Variants in WWTR1 observed in about 807,000 individuals in gnomAD.
WWTR1 encodes the protein WW domain-containing transcription regulator protein 1.
Under a neutral mutation model 40.1 loss-of-function variants are expected in WWTR1, and 13 were observed. The ratio of observed to expected loss-of-function variants is 0.32; its 90% confidence interval spans 0.21 to 0.52. The LOEUF is 0.52. Ranked by LOEUF, WWTR1 falls within the 20% of genes least tolerant of loss-of-function variation. The pLI is 0.97. For synonymous variants in WWTR1, 230 were observed against 210.1 expected, an observed-to-expected ratio of 1.09 and a Z score of -0.82; for missense variants, 436 against 523.1, an observed-to-expected ratio of 0.83 and a Z score of 1.63.
In WWTR1 at chr3:149,520,828, C is replaced by T; in HGVS notation, c.1180G>A (p.Glu394Lys). The change falls in exon 7 of 7, where the codon GAG becomes AAG. Residue 394 changes from glutamate (E) to lysine (K), a missense_variant. Physicochemically the swap from Glu to Lys is moderately conservative, Grantham distance 56. Transcript: ENST00000360632. ...NDVESALNKSEPFLTWL is the reference protein window; with the variant it reads ...NDVESALNKSKPFLTWL ...GATTACAGCCAGGTTAGAAAGGGCT[C>T]ACTTTTGTTCAGAGCAGACTCTACA... 6.2e-7 allele frequency: 1 copy of T among 1,601,630 alleles called. No homozygotes were observed. The highest frequency in any genetic ancestry group is 1.1e-5 in the South Asian group (1 of 88,536).
chr3:149,621,658 T>C (rs1252640194), intron 2 of WWTR1, among the ~76,000 whole-genome samples: 2 of 152,204 alleles, frequency 1.3e-5, no homozygotes, highest in Non-Finnish European at 2.9e-5. Flanking sequence ...AAATAAAACA[T>C]TCACTCAGAA....
Position 149,527,838 on chromosome 3 carries a change from A to G in WWTR1, c.903T>C (p.Asn301=). ...GTGGCCCCCAAATATTAACTTACCC[A>G]TTGAGGAAAGGATCTGAGCTATTAT... ...ITNNSSDPFL[N]GGPYHSREQS... The change falls in exon 5 of 7, where the codon AAT becomes AAC. Residue 301 remains asparagine (N), a splice_region_variant and synonymous_variant. Coordinates refer to ENST00000360632, the MANE Select transcript of WWTR1 (RefSeq NM_015472.6). The G allele has an allele frequency of 6.2e-7, 1 of 1,613,984 alleles. No homozygotes were observed. Among genetic ancestry groups the G allele is most frequent in the Non-Finnish European group, 8.5e-7 (1 of 1,179,970 alleles).
chr3:149,528,407 TAC>T (rs1351347878), intron 4 of WWTR1, among the ~76,000 whole-genome samples: 1 of 152,226 alleles, frequency 6.6e-6, no homozygotes, highest in African/African-American at 2.4e-5. Flanking sequence ...ACTGTGGAAT[TAC>T]AGAGTCCAGG....
chr3:149,573,015 A>T lies in WWTR1; in HGVS notation c.432-15T>A, dbSNP rs765590185. ...TTTCTATGTGACTAAAAGAAGGAAA[A>T]CAATTAATTATCTTTTTAATTGTCA... On this transcript the variant is annotated splice_polypyrimidine_tract_variant and intron_variant, in intron 2 of 6. Coordinates refer to ENST00000360632, the MANE Select transcript of WWTR1 (RefSeq NM_015472.6). The T allele has an allele frequency of 6.3e-7, 1 of 1,579,748 alleles. No individual in the cohort carries two copies. The highest frequency in any genetic ancestry group is 2.0e-5 in the Admixed American group (1 of 49,798).
chr3:149,528,276 T>C (rs1339782023), intron 4 of WWTR1, among the ~76,000 whole-genome samples: 1 of 152,154 alleles, frequency 6.6e-6, no homozygotes, highest in African/African-American at 2.4e-5. Flanking sequence ...TCAAAACACT[T>C]TGTCAGAGAC....
At chr3:149,534,373 G>C (rs1451035290) in intron 4 of WWTR1, among the ~76,000 whole-genome samples, 2 of 152,056 alleles carry the variant, frequency 1.3e-5, no homozygotes, top group Non-Finnish European at 2.9e-5. Flanking sequence ...TTCACCTGCT[G>C]GCTGTGAGAA....
chr3:149,723,192 T>C (rs1349681860), intron 4 of WWTR1, among the ~76,000 whole-genome samples: 12 of 143,464 alleles, frequency 8.4e-5, no homozygotes, highest in South Asian at 4.5e-4. Flanking sequence ...TTTCTTTTTT[T>C]TTTTTTTTTT....
upstream of WWTR1, among the ~76,000 whole-genome samples, chr3:149,660,949 T>G (rs1394289729): frequency 1.3e-5 from 2 of 152,224 alleles, no homozygotes; most frequent in Non-Finnish European, 2.9e-5. Flanking sequence ...CCCAGCCTCA[T>G]GTTATTTATA....
chr3:149,610,870 C>T (rs1217038952), intron 2 of WWTR1, among the ~76,000 whole-genome samples: 4 of 152,076 alleles, frequency 2.6e-5, no homozygotes, highest in Admixed American at 6.6e-5. Flanking sequence ...TGTCCAGGCA[C>T]AGTGGCTCAC....
intron 2 of WWTR1, among the ~76,000 whole-genome samples, chr3:149,597,136 A>C (rs1196942217): frequency 1.3e-5 from 2 of 152,234 alleles, no homozygotes; most frequent in Non-Finnish European, 2.9e-5. Flanking sequence ...ATTTGGCTTC[A>C]CAATAACTGT....
intron 2 of WWTR1, among the ~76,000 whole-genome samples, chr3:149,616,773 T>C (rs1560086997): frequency 1.3e-5 from 2 of 152,206 alleles, no homozygotes; most frequent in Non-Finnish European, 2.9e-5. Context: ...ATTTCTTTCA[T>C]TCTGCCAGGT....
At chr3:149,666,603 C>T (rs1190845559) in intron 2 of WWTR1, among the ~76,000 whole-genome samples, 2 of 152,090 alleles carry the variant, frequency 1.3e-5, no homozygotes, top group African/African-American at 4.8e-5. Context: ...TTACAGACTA[C>T]AAAACAACTT....
At chr3:149,644,119 G>A (rs1341019914) in intron 2 of WWTR1, among the ~76,000 whole-genome samples, 2 of 152,042 alleles carry the variant, frequency 1.3e-5, no homozygotes. Flanking sequence ...CTCCCAGTAC[G>A]GCTTGCTACA....
At chr3:149,540,108 ACACACAC>A in intron 4 of WWTR1, 1 of 439,216 alleles carries the variant, frequency 2.3e-6, no homozygotes. Flanking sequence ...ACACACACAC[ACACACAC>A]ACACACACAG....
intron 4 of WWTR1, among the ~76,000 whole-genome samples, chr3:149,533,928 T>A (rs1404015737): frequency 7.7e-6 from 1 of 130,348 alleles, no homozygotes; most frequent in African/African-American, 2.5e-5. Flanking sequence ...TATTGCTTAC[T>A]GTGTGTGAAA....
chr3:149,709,104 T>G (rs1715403130), intron 5 of WWTR1, among the ~76,000 whole-genome samples: 1 of 152,052 alleles, frequency 6.6e-6, no homozygotes, highest in African/African-American at 2.4e-5. Flanking sequence ...GCCTCCTGAG[T>G]ACTGGGACTA....
intron 2 of WWTR1, chr3:149,576,049 C>CTGGA: frequency 2.2e-6 from 1 of 456,732 alleles, no homozygotes; most frequent in Non-Finnish European, 4.4e-6. Flanking sequence ...TCCCCAAAGG[C>CTGGA]TGGAGTACAA....
intron 2 of WWTR1, among the ~76,000 whole-genome samples, chr3:149,590,601 A>T (rs150019626): frequency 0.066 from 10,082 of 152,246 alleles, 496 homozygotes; most frequent in East Asian, 0.14. Context: ...AGCCGAGATC[A>T]TGCCATTGCA....
chr3:149,675,014 T>G (rs12633601), intron 1 of WWTR1, among the ~76,000 whole-genome samples: 30,363 of 152,200 alleles, frequency 0.2, 3,292 homozygotes, highest in Admixed American at 0.3. Context: ...GACCAGTTGG[T>G]AAACTATCAC....
Sources: gnomAD v4.1 joint callset for allele counts (sites outside exome capture counted in the v4.1 genomes callset) on GRCh38, gnomAD v4.1.1 for gene constraint, MANE v1.5 for transcripts, NCBI Gene and HGNC (gene_info 2026-07-23, HGNC 2026-07-21) for gene names.